The following FRYL variants were observed in gnomAD, a reference collection of about 807,000 sequenced individuals.
The protein encoded by FRYL is protein furry homolog-like.
Under a neutral mutation model 351.2 loss-of-function variants are expected in FRYL, and 150 were observed. The observed-to-expected ratio is 0.43, with a 90% CI of 0.37 to 0.49. The LOEUF is 0.49. FRYL is among the 20% of genes least tolerant of loss of function. The pLI is 0.00. For missense variants in FRYL, 3,036 were observed against 3,619.3 expected (o/e 0.84, Z 4.13); for synonymous variants, 1,153 against 1,257.1 (o/e 0.92, Z 1.75).
intron 59 of FRYL, among the ~76,000 whole-genome samples, chr4:48,508,421 A>G (rs1721760776): frequency 6.6e-6 from 1 of 152,184 alleles, no homozygotes; most frequent in Non-Finnish European, 1.5e-5. Flanking sequence ...GGTGGTCTTT[A>G]ATTTTTCTCA....
At chr4:48,510,471 G>T (rs1210192014) in intron 58 of FRYL, among the ~76,000 whole-genome samples, 1 of 152,088 alleles carries the variant, frequency 6.6e-6, no homozygotes, top group Non-Finnish European at 1.5e-5. Flanking sequence ...ATATAATCTA[G>T]AAGTGTGCTT....
intron 3 of FRYL, among the ~76,000 whole-genome samples, chr4:48,675,701 G>A (rs894570680): frequency 9.2e-5 from 14 of 152,170 alleles, no homozygotes; most frequent in Non-Finnish European, 1.8e-4. Flanking sequence ...CAGTCCCATC[G>A]ACCACCCAAG....
chr4:48,753,401 C>G (rs1286471936), intron 1 of FRYL, among the ~76,000 whole-genome samples: 1 of 152,166 alleles, frequency 6.6e-6, no homozygotes, highest in Non-Finnish European at 1.5e-5. Context: ...GGAATCTCCT[C>G]TGAACATATT....
At position 48,590,813 on chromosome 4, in the gene FRYL, G is replaced by T; in HGVS notation, c.1353C>A (p.Leu451=). ...TGTCTGCTATTACAAGGAAGACTCTGAGACCTATGTTCATTCTCTTCAAAG... is the reference window on the plus strand; with the variant it reads ...TGTCTGCTATTACAAGGAAGACTCTTAGACCTATGTTCATTCTCTTCAAAG... The part of the protein sequence containing the change: ...TINPERMNIG[L]RVFLVIADSL... The change falls in exon 17 of 64, where the codon CTC becomes CTA. Residue 451 remains leucine (L), a synonymous_variant. Transcript: ENST00000358350. 1.2e-6 allele frequency: 2 copies of T among 1,612,066 alleles called. No homozygotes were observed. Among genetic ancestry groups the T allele is most frequent in the Non-Finnish European group, 8.5e-7 (1 of 1,179,488 alleles).
At chr4:48,692,360 G>A (rs1164588758) in intron 2 of FRYL, among the ~76,000 whole-genome samples, 1 of 151,934 alleles carries the variant, frequency 6.6e-6, no homozygotes, top group Non-Finnish European at 1.5e-5. Context: ...AGTTATCTAG[G>A]ACAAGTTAGT....
intron 1 of FRYL, among the ~76,000 whole-genome samples, chr4:48,758,301 G>A (rs1207199295): frequency 1.3e-5 from 2 of 152,154 alleles, no homozygotes; most frequent in African/African-American, 4.8e-5. Context: ...GCAACCTACA[G>A]AATGAGAGGA....
At chr4:48,517,641 G>C (rs1320260462) in intron 55 of FRYL, among the ~76,000 whole-genome samples, 1 of 152,196 alleles carries the variant, frequency 6.6e-6, no homozygotes, top group African/African-American at 2.4e-5. Flanking sequence ...AACCCTCTGT[G>C]AGTAAATACA....
intron 2 of FRYL, among the ~76,000 whole-genome samples, chr4:48,687,002 T>A (rs967115228): frequency 1.3e-5 from 2 of 152,214 alleles, no homozygotes; most frequent in Admixed American, 1.3e-4. Flanking sequence ...TAGGTTATAA[T>A]CACTTTTAGC....
At chr4:48,656,157 T>C (rs1758908911) in intron 3 of FRYL, among the ~76,000 whole-genome samples, 2 of 135,000 alleles carry the variant, frequency 1.5e-5, no homozygotes, top group African/African-American at 5.4e-5. Context: ...AAAACGTATA[T>C]AATTATACAT....
intron 20 of FRYL, among the ~76,000 whole-genome samples, chr4:48,582,255 T>C (rs1462840780): frequency 1.3e-5 from 2 of 152,184 alleles, no homozygotes; most frequent in African/African-American, 4.8e-5. Flanking sequence ...GAGCTGGAAT[T>C]ATCTCTAATT....
At chr4:48,778,426 C>T (rs1371108931) in intron 1 of FRYL, among the ~76,000 whole-genome samples, 1 of 151,560 alleles carries the variant, frequency 6.6e-6, no homozygotes, top group East Asian at 1.9e-4. Context: ...AGACAAGACA[C>T]GATGGAATGC....
chr4:48,730,360 T>C (rs1770585134), intron 1 of FRYL, among the ~76,000 whole-genome samples: 1 of 151,710 alleles, frequency 6.6e-6, no homozygotes, highest in South Asian at 2.1e-4. Flanking sequence ...GGCAGGGCAA[T>C]CAAATTCAGG....
rs1279564344 is a variant in FRYL, at chr4:48,777,042, A to T, written c.-384+3036T>A. On this transcript the variant is annotated intron_variant, in intron 1 of 63. Transcript: ENST00000358350. Reference sequence around the variant, plus strand: ...GATTTGCTGGCTCTGGGTCTAATTTAAAAAAAAAACAAAAACTATTTAGAG... The same window carrying T: ...GATTTGCTGGCTCTGGGTCTAATTTTAAAAAAAAACAAAAACTATTTAGAG... Among the ~76,000 whole-genome samples, 7 of 148,894 alleles carry T rather than the reference A, an allele frequency of 4.7e-5. No individual in the cohort carries two copies. The East Asian group carries it at 1.2e-3, about 25-fold the overall frequency.
At chr4:48,598,867 A>T in intron 13 of FRYL, 1 of 984,716 alleles carries the variant, frequency 1.0e-6, no homozygotes, top group South Asian at 4.7e-5. Context: ...CTGTTGTTAG[A>T]TGGCATCTAA....
rs767855986 is a variant in FRYL, at chr4:48,609,070, A to C, written c.492-3T>G. The C allele has an allele frequency of 6.4e-7, 1 of 1,552,686 alleles. No individual in the cohort carries two copies. The highest frequency in any genetic ancestry group is 8.9e-7 in the Non-Finnish European group (1 of 1,127,182). On this transcript the variant is annotated splice_region_variant and splice_polypyrimidine_tract_variant and intron_variant, in intron 8 of 63. Coordinates refer to ENST00000358350, the MANE Select transcript of FRYL (RefSeq NM_015030.2). ...TCCCAGTGTTGGTTCCTGAATATCT[A>C]AAATAACAAAAGAACAAACATAACA...
intron 2 of FRYL, among the ~76,000 whole-genome samples, chr4:48,704,911 T>C (rs1186869483): frequency 1.4e-5 from 2 of 144,132 alleles, no homozygotes; most frequent in Non-Finnish European, 3.0e-5. Flanking sequence ...ATTGAGCCAC[T>C]GCACTCCAGC....
At chr4:48,684,625 C>T (rs1267958670) in intron 3 of FRYL, 48 bp downstream of exon 3, 1 of 152,188 alleles carries the variant, frequency 6.6e-6, no homozygotes, top group Non-Finnish European at 1.5e-5. Context: ...AAAATCTTTT[C>T]AGACCTCAAT....
At chr4:48,690,063 A>AT (rs67814663) in intron 2 of FRYL, among the ~76,000 whole-genome samples, 4 of 139,826 alleles carry the variant, frequency 2.9e-5, no homozygotes, top group African/African-American at 7.9e-5. Context: ...TGCCCAGCTA[A>AT]TTTTTTTTTT....
chr4:48,747,744 C>T (rs190332824), intron 1 of FRYL, among the ~76,000 whole-genome samples: 7 of 152,132 alleles, frequency 4.6e-5, no homozygotes, highest in South Asian at 2.1e-4. Flanking sequence ...TAAAACAAAA[C>T]GGTGAAATTG....
Sources: allele counts gnomAD v4.1 joint callset (sites outside exome capture counted in the v4.1 genomes callset), GRCh38; gene constraint gnomAD v4.1.1; transcripts MANE v1.5; gene names NCBI Gene and HGNC (gene_info 2026-07-23, HGNC 2026-07-21).